The following PLEKHH1 variants were observed in gnomAD, a reference collection of about 807,000 sequenced individuals.
PLEKHH1 encodes pleckstrin homology domain-containing family H member 1.
PLEKHH1 carries 104 observed loss-of-function variants against 160.0 expected under a neutral mutation model. The observed-to-expected ratio is 0.65, with a 90% CI of 0.55 to 0.76. The LOEUF (loss-of-function observed/expected upper bound fraction) is 0.76. Ranked by LOEUF, PLEKHH1 falls within the 30% of genes least tolerant of loss-of-function variation. The probability of loss-of-function intolerance (pLI) is 0.00; values close to 1 mark genes in which losing one functional copy is unlikely to be tolerated. For synonymous variants in PLEKHH1, 619 were observed against 678.4 expected, an observed-to-expected ratio of 0.91 and a Z score of 1.36; for missense variants, 1,427 against 1,724.1, an observed-to-expected ratio of 0.83 and a Z score of 3.05.
intron 24 of PLEKHH1, among the ~76,000 whole-genome samples, chr14:67,583,311 C>G (rs1456437559): frequency 6.6e-6 from 1 of 152,240 alleles, no homozygotes; most frequent in South Asian, 2.1e-4. Context: ...GTTTAAGTAA[C>G]TTGATCAGGG....
intron 2 of PLEKHH1, among the ~76,000 whole-genome samples, chr14:67,542,825 G>A (rs555282193): frequency 1.1e-4 from 16 of 152,054 alleles, no homozygotes; most frequent in Admixed American, 3.3e-4. Flanking sequence ...CTCAGCCTCC[G>A]GAGTAGCTGG....
intron 28 of PLEKHH1, chr14:67,586,539 T>C (rs2036173042): frequency 1.5e-6 from 1 of 689,012 alleles, no homozygotes; most frequent in South Asian, 1.4e-5. Flanking sequence ...CTCTTCCTTG[T>C]TGTGGGGAAG....
intron 26 of PLEKHH1, 34 bp from the exon 27 acceptor site, chr14:67,585,534 G>A: frequency 7.2e-7 from 1 of 1,383,426 alleles, no homozygotes; most frequent in Non-Finnish European, 1.0e-6. Flanking sequence ...CTCTAACTAT[G>A]GATATATCTG....
At chr14:67,559,770 A>AGACAGTAGGGGG in intron 5 of PLEKHH1, 79 bp downstream of exon 5, 1 of 908,042 alleles carries the variant, frequency 1.1e-6, no homozygotes, top group Non-Finnish European at 1.8e-6. Context: ...CCTGCCCCCT[A>AGACAGTAGGGGG]CTGTCTAGGG....
At chr14:67,586,537 TG>T (rs758677593) in intron 28 of PLEKHH1, 2 of 694,132 alleles carry the variant, frequency 2.9e-6, no homozygotes, top group Non-Finnish European at 4.5e-6. Flanking sequence ...CCCTCTTCCT[TG>T]TTGTGGGGAA....
Position 67,555,840 on chromosome 14 carries a change from C to G in PLEKHH1, c.142C>G (p.Gln48Glu). The change falls in exon 3 of 29, where the codon CAG (glutamine) becomes GAG (glutamate). Residue 48 changes from glutamine (Q) to glutamate (E), a missense_variant. This residue lies in a region of PLEKHH1 where 831 missense variants were observed against 929.2 expected (regional missense o/e 0.89). Transcript: ENST00000329153. ...LLADKMQELEQRLLEAEQRAE... is the reference protein window; with the variant it reads ...LLADKMQELEERLLEAEQRAE... ...GGCCAAGCAGATGCAGGAGCTGGAGCAGAGGCTGCTGGAGGCAGAGCAGAG... is the reference window on the plus strand; with the variant it reads ...GGCCAAGCAGATGCAGGAGCTGGAGGAGAGGCTGCTGGAGGCAGAGCAGAG... 2 of 1,613,374 alleles carry G rather than the reference C, an allele frequency of 1.2e-6. No individual in the cohort carries two copies. Among genetic ancestry groups the G allele is most frequent in the Non-Finnish European group, 1.7e-6 (2 of 1,179,574 alleles).
chr14:67,550,147 A>G (rs1269763218), intron 2 of PLEKHH1, among the ~76,000 whole-genome samples: 9 of 133,316 alleles, frequency 6.8e-5, no homozygotes, highest in Non-Finnish European at 1.5e-4. Context: ...ATTGAACAAA[A>G]GATCTGTTGC....
At position 67,573,414 on chromosome 14, in the gene PLEKHH1, G is replaced by A. The variant is rs199657212; in HGVS notation, c.1839+28G>A. Reference sequence around the variant, plus strand: ...GAGAGTCTCCCCGCCCAGCACTGCAGTCAAAAGGTCTCCACATCACACCCT... The same window carrying A: ...GAGAGTCTCCCCGCCCAGCACTGCAATCAAAAGGTCTCCACATCACACCCT... On this transcript the variant is annotated intron_variant, in intron 12 of 28. Coordinates refer to ENST00000329153, the MANE Select transcript of PLEKHH1 (RefSeq NM_020715.3). The surrounding 1 kb of genome is among the most constrained non-coding windows in gnomAD (Gnocchi z 4.8). 3 of 1,306,694 alleles carry A rather than the reference G, an allele frequency of 2.3e-6. No homozygotes were observed. Among genetic ancestry groups the A allele is most frequent in the Admixed American group, 3.4e-5 (2 of 59,494 alleles). The allele number at this position is 1,306,694 out of a possible 1,614,324, so 80.9% of individuals were successfully genotyped here.
intron 7 of PLEKHH1, among the ~76,000 whole-genome samples, chr14:67,568,635 G>C (rs1223339831): frequency 2.6e-5 from 4 of 152,060 alleles, no homozygotes; most frequent in Non-Finnish European, 5.9e-5. Context: ...AGAAACAATA[G>C]AGAATTTTTT....
intron 2 of PLEKHH1, among the ~76,000 whole-genome samples, chr14:67,552,191 C>T (rs760980352): frequency 6.6e-6 from 1 of 152,190 alleles, no homozygotes; most frequent in Non-Finnish European, 1.5e-5. Context: ...CTAAACCTGA[C>T]ACCTCCTTGG....
In PLEKHH1 at chr14:67,573,724, G is replaced by A; in HGVS notation, c.1840-77G>A. The A allele has an allele frequency of 1.1e-6, 1 of 927,370 alleles. No homozygotes were observed. The highest frequency in any genetic ancestry group is 1.8e-6 in the Non-Finnish European group (1 of 553,882). 57.4% of individuals were successfully genotyped at this position (927,370 alleles called of 1,614,324 possible). Reference sequence around the variant, plus strand: ...GTTTCCCTTTGCTTATGACGTGGAGGAAGATCTGAGGGTAAATGAGGTGCT... The same window carrying A: ...GTTTCCCTTTGCTTATGACGTGGAGAAAGATCTGAGGGTAAATGAGGTGCT... On this transcript the variant is annotated intron_variant, in intron 12 of 28. Coordinates refer to ENST00000329153, the MANE Select transcript of PLEKHH1 (RefSeq NM_020715.3). The surrounding 1 kb of genome is among the most constrained non-coding windows in gnomAD (Gnocchi z 4.8).
At chr14:67,538,406 AG>A (rs1472151292) in intron 1 of PLEKHH1, among the ~76,000 whole-genome samples, 1 of 152,212 alleles carries the variant, frequency 6.6e-6, no homozygotes, top group East Asian at 1.9e-4. Flanking sequence ...CCTCCATCTC[AG>A]GGATAAAGAG....
chr14:67,563,624 G>C (rs571785079), intron 7 of PLEKHH1, among the ~76,000 whole-genome samples: 19 of 151,704 alleles, frequency 1.3e-4, no homozygotes, highest in African/African-American at 4.1e-4. Flanking sequence ...GTAGAGGCAG[G>C]GTTTCACCAT....
rs1385137969 is a variant in PLEKHH1, at chr14:67,562,675, T to C, written c.1044T>C (p.Ile348=). 6.2e-7 allele frequency: 1 copy of C among 1,612,538 alleles called. No homozygotes were observed. Among genetic ancestry groups the C allele is most frequent in the Non-Finnish European group, 8.5e-7 (1 of 1,179,342 alleles). ...GGCACTTTGGCCGTGTGGTGAACAT[T>C]GAGACTGAGGCCTTCTCAGCCCTCC... is the stretch of plus-strand genomic sequence containing the variant. The part of the protein sequence containing the change: ...GHGHFGRVVN[I]ETEAFSALHP... Residue 348 remains isoleucine (I), a synonymous_variant, in exon 7 of 29, where the codon ATT becomes ATC. Coordinates refer to ENST00000329153, the MANE Select transcript of PLEKHH1 (RefSeq NM_020715.3).
At chr14:67,540,094 T>C (rs964268471) in intron 1 of PLEKHH1, among the ~76,000 whole-genome samples, 1 of 152,064 alleles carries the variant, frequency 6.6e-6, no homozygotes, top group Non-Finnish European at 1.5e-5. Flanking sequence ...GAAAAGGGGA[T>C]TTTGAAAAGC....
At chr14:67,538,085 A>G (rs751631452) in intron 1 of PLEKHH1, among the ~76,000 whole-genome samples, 7 of 152,120 alleles carry the variant, frequency 4.6e-5, no homozygotes, top group Non-Finnish European at 7.4e-5. Flanking sequence ...CCCTATTTCT[A>G]ATGTGTGATA....
At position 67,578,170 on chromosome 14, in the gene PLEKHH1, CG is replaced by C; in HGVS notation, c.2723del (p.Arg908ProfsTer119). On this transcript the variant is annotated frameshift_variant, in exon 19 of 29. Transcript: ENST00000329153. LOFTEE classifies it high-confidence loss of function. This position sits in a 1 kb window ranked among gnomAD's most constrained non-coding sequence, Gnocchi z 5.0. ...YCQLMKQTSC[R>X]PPQKYSLMQC... The stretch of plus-strand genomic sequence containing the variant: ...CCAACTCATGAAGCAGACCAGCTGC[CG>C]CCCACCTCAGAAGTACTCCCTCATG... The C allele has an allele frequency of 6.2e-7, 1 of 1,613,902 alleles. No individual in the cohort carries two copies. Among genetic ancestry groups the C allele is most frequent in the Non-Finnish European group, 8.5e-7 (1 of 1,179,860 alleles).
At chr14:67,566,189 C>T (rs1307907621) in intron 7 of PLEKHH1, among the ~76,000 whole-genome samples, 3 of 152,160 alleles carry the variant, frequency 2.0e-5, no homozygotes, top group Non-Finnish European at 4.4e-5. Context: ...TTGGCAGTGA[C>T]TGTTGATCAG....
chr14:67,551,552 C>T (rs1247065323), intron 2 of PLEKHH1, among the ~76,000 whole-genome samples: 1 of 152,044 alleles, frequency 6.6e-6, no homozygotes. Flanking sequence ...CAGTGAGGTT[C>T]CACTGCCTTA....
Sources: allele counts gnomAD v4.1 joint callset (sites outside exome capture counted in the v4.1 genomes callset), GRCh38; gene constraint gnomAD v4.1.1; regional missense constraint gnomAD v4.1.1; non-coding constraint Gnocchi (gnomAD v3.1); transcripts MANE v1.5; gene names NCBI Gene and HGNC (gene_info 2026-07-23, HGNC 2026-07-21).